Variants in PLEKHM3 observed in about 807,000 individuals in gnomAD.
PLEKHM3 encodes pleckstrin homology domain-containing family M member 3.
In PLEKHM3, 45 loss-of-function variants were observed where a neutral mutation model predicts 81.8. The ratio of observed to expected loss-of-function variants is 0.55; its 90% confidence interval spans 0.43 to 0.71. The LOEUF is 0.71. Among genes scored for constraint, PLEKHM3 ranks in the 30% least tolerant of loss-of-function variants. The probability of loss-of-function intolerance (pLI) is 0.00; values close to 1 mark genes in which losing one functional copy is unlikely to be tolerated. For missense variants in PLEKHM3, 788 were observed against 924.3 expected (o/e 0.85, Z 1.91); for synonymous variants, 352 against 356.4 (o/e 0.99, Z 0.14).
rs537633550 is a variant in PLEKHM3, at chr2:207,895,655, C to A, written c.1950+12859G>T. On this transcript the variant is annotated intron_variant, in intron 6 of 7. Coordinates refer to ENST00000427836, the MANE Select transcript of PLEKHM3 (RefSeq NM_001080475.3). The stretch of plus-strand genomic sequence containing the variant: ...GCTGCAATGGGCTCTCTGTTGTTAG[C>A]CCAAACACAAATGCCAACTCACAGT... 8.5e-5 allele frequency among the ~76,000 whole-genome samples: 13 copies of A among 152,150 alleles called. 1 individual carries two copies. Among genetic ancestry groups the A allele is most frequent in the Non-Finnish European group, 1.9e-4 (13 of 68,026 alleles).
At chr2:207,994,915 C>T (rs1053396243) in intron 2 of PLEKHM3, among the ~76,000 whole-genome samples, 2 of 152,264 alleles carry the variant, frequency 1.3e-5, no homozygotes, top group African/African-American at 4.8e-5. Context: ...TCTGTCTCTC[C>T]ATAAGGCAAG....
intron 7 of PLEKHM3, among the ~76,000 whole-genome samples, chr2:207,859,986 G>A (rs1184658555): frequency 2.0e-5 from 3 of 152,112 alleles, no homozygotes; most frequent in African/African-American, 4.8e-5. Flanking sequence ...CCAGTGGTTC[G>A]TCCAGTTTGG....
chr2:207,858,174 G>GTGTGTGTTTA (rs373920637), intron 7 of PLEKHM3, among the ~76,000 whole-genome samples: 1 of 123,260 alleles, frequency 8.1e-6, no homozygotes. Context: ...GTGTGTGTGT[G>GTGTGTGTTTA]TATATATTTT....
chr2:207,873,421 T>C (rs759952693), intron 6 of PLEKHM3, among the ~76,000 whole-genome samples: 3 of 152,230 alleles, frequency 2.0e-5, no homozygotes, highest in Non-Finnish European at 4.4e-5. Context: ...AGATGATCAA[T>C]AGGGATCTCT....
intron 6 of PLEKHM3, among the ~76,000 whole-genome samples, chr2:207,861,567 T>G (rs1231838733): frequency 4.6e-5 from 7 of 152,172 alleles, no homozygotes; most frequent in Admixed American, 3.3e-4. Context: ...ACTTCACAGT[T>G]AGGGTGTGGT....
chr2:207,956,329 C>T (rs1228420885), intron 3 of PLEKHM3, among the ~76,000 whole-genome samples: 6 of 151,766 alleles, frequency 4.0e-5, no homozygotes, highest in South Asian at 2.1e-4. Context: ...AAAAATTAGC[C>T]GGGCGTGGTG....
intron 3 of PLEKHM3, among the ~76,000 whole-genome samples, chr2:207,959,258 C>T (rs1690645257): frequency 1.3e-5 from 2 of 152,158 alleles, no homozygotes; most frequent in South Asian, 4.1e-4. Flanking sequence ...CTGCACTTAA[C>T]ATTTTCTACA....
intron 5 of PLEKHM3, among the ~76,000 whole-genome samples, chr2:207,922,605 G>T (rs566867687): frequency 6.6e-6 from 1 of 152,122 alleles, no homozygotes; most frequent in Non-Finnish European, 1.5e-5. Flanking sequence ...GAGGTCAGGA[G>T]ATCGAGACCA....
At chr2:207,949,210 T>C (rs554055560) in intron 3 of PLEKHM3, among the ~76,000 whole-genome samples, 1 of 152,362 alleles carries the variant, frequency 6.6e-6, no homozygotes, top group South Asian at 2.1e-4. Context: ...TGTTAAAATA[T>C]GTTGCCCATT....
At chr2:207,932,274 T>C (rs1461866125) in intron 4 of PLEKHM3, among the ~76,000 whole-genome samples, 2 of 152,018 alleles carry the variant, frequency 1.3e-5, no homozygotes, top group Admixed American at 6.5e-5. Context: ...GGAAACACAA[T>C]GTCTCAGAGA....
At chr2:207,901,661 T>G (rs569200386) in intron 6 of PLEKHM3, among the ~76,000 whole-genome samples, 3 of 152,316 alleles carry the variant, frequency 2.0e-5, no homozygotes, top group Admixed American at 6.5e-5. Context: ...TATCAAAACT[T>G]CAAAGGATAA....
chr2:207,998,403 T>C (rs1469931283), intron 2 of PLEKHM3, among the ~76,000 whole-genome samples: 5 of 152,052 alleles, frequency 3.3e-5, no homozygotes, highest in Non-Finnish European at 7.4e-5. Flanking sequence ...TCCCAGCTAT[T>C]TGGAAGGGTG....
intron 6 of PLEKHM3, among the ~76,000 whole-genome samples, chr2:207,886,990 A>C (rs1180453889): frequency 1.3e-5 from 2 of 152,206 alleles, no homozygotes; most frequent in Non-Finnish European, 2.9e-5. Context: ...AATAATACCC[A>C]CTTCACAGGC....
intron 7 of PLEKHM3, 95 bp from the exon 8 acceptor site, chr2:207,828,591 T>A: frequency 8.2e-7 from 1 of 1,221,506 alleles, no homozygotes; most frequent in Admixed American, 2.2e-5. Flanking sequence ...GGTGGCACAA[T>A]CTACTGTTCT....
At chr2:207,967,623 T>C (rs1019965667) in intron 3 of PLEKHM3, among the ~76,000 whole-genome samples, 2 of 152,216 alleles carry the variant, frequency 1.3e-5, no homozygotes, top group Non-Finnish European at 2.9e-5. Context: ...GCAAATACCA[T>C]TAGGTTGGTG....
intron 1 of PLEKHM3, among the ~76,000 whole-genome samples, chr2:208,008,788 C>T (rs1021231244): frequency 1.3e-5 from 2 of 152,236 alleles, no homozygotes; most frequent in African/African-American, 4.8e-5. Flanking sequence ...CTTCTTCCTT[C>T]CCTTCCTGGT....
chr2:207,851,228 C>A (rs1382750859), intron 7 of PLEKHM3: 1 of 146,798 alleles, frequency 6.8e-6, no homozygotes, highest in Non-Finnish European at 1.5e-5. Flanking sequence ...TTCGTCATTT[C>A]TGTTTTTTTA....
intron 5 of PLEKHM3, among the ~76,000 whole-genome samples, chr2:207,926,680 G>A (rs1458393701): frequency 6.6e-6 from 1 of 152,208 alleles, no homozygotes; most frequent in Non-Finnish European, 1.5e-5. Context: ...TGTCAGCACT[G>A]TAAACATTTT....
chr2:207,916,666 T>G (rs1689002669), intron 5 of PLEKHM3, among the ~76,000 whole-genome samples: 1 of 152,028 alleles, frequency 6.6e-6, no homozygotes, highest in Admixed American at 6.6e-5. Context: ...GAAAATCACT[T>G]GAACCCAGGA....
Sources: gnomAD v4.1 joint callset for allele counts (sites outside exome capture counted in the v4.1 genomes callset) on GRCh38, gnomAD v4.1.1 for gene constraint, MANE v1.5 for transcripts, NCBI Gene and HGNC (gene_info 2026-07-23, HGNC 2026-07-21) for gene names.